Variants in WWOX observed in about 807,000 individuals in gnomAD.
The protein encoded by WWOX is WW domain-containing oxidoreductase.
Under a neutral mutation model 46.2 loss-of-function variants are expected in WWOX, and 69 were observed. The observed-to-expected ratio is 1.49, with a 90% CI of 1.23 to 1.82. The LOEUF (loss-of-function observed/expected upper bound fraction) is 1.82. WWOX is among the 40% of genes most tolerant of loss of function. The probability of loss-of-function intolerance (pLI) is 0.00; values close to 1 mark genes in which losing one functional copy is unlikely to be tolerated. For missense variants in WWOX, 919 were observed against 542.6 expected (o/e 1.69, Z -6.89); for synonymous variants, 359 against 202.6 (o/e 1.77, Z -6.56).
chr16:78,298,462 T>A (rs1486666829), intron 5 of WWOX, among the ~76,000 whole-genome samples: 1 of 152,160 alleles, frequency 6.6e-6, no homozygotes, highest in African/African-American at 2.4e-5. Context: ...TTAATCCTTA[T>A]GAGTCCCGGT....
intron 8 of WWOX, chr16:78,895,478 C>T (rs976575896): frequency 2.0e-5 from 3 of 152,156 alleles, no homozygotes; most frequent in Non-Finnish European, 2.9e-5. Flanking sequence ...GCTTCCATCC[C>T]GTAGCTTCTT....
At chr16:78,961,244 A>C (rs1370887504) in intron 8 of WWOX, among the ~76,000 whole-genome samples, 1 of 152,172 alleles carries the variant, frequency 6.6e-6, no homozygotes, top group African/African-American at 2.4e-5. Flanking sequence ...AAAATGAGGG[A>C]AATTACTGTA....
intron 8 of WWOX, among the ~76,000 whole-genome samples, chr16:79,125,743 G>A (rs577583545): frequency 6.6e-6 from 1 of 152,346 alleles, no homozygotes; most frequent in African/African-American, 2.4e-5. Context: ...CTTTGGGGCA[G>A]TGCCAGGATT....
chr16:78,589,424 G>A (rs375960648), intron 8 of WWOX, among the ~76,000 whole-genome samples: 11 of 152,132 alleles, frequency 7.2e-5, no homozygotes, highest in African/African-American at 2.4e-4. Flanking sequence ...TGTCTTGAAG[G>A]GGGCTGATGC....
At chr16:78,186,840 G>A (rs1387703113) in intron 5 of WWOX, among the ~76,000 whole-genome samples, 4 of 152,188 alleles carry the variant, frequency 2.6e-5, no homozygotes, top group East Asian at 1.9e-4. Flanking sequence ...ATAGTCTATA[G>A]TATTCTTCAC....
chr16:78,166,567 AT>A (rs34115194), intron 5 of WWOX: 7 of 143,660 alleles, frequency 4.9e-5, no homozygotes, highest in Admixed American at 6.9e-5. Flanking sequence ...TTTCTTTTTT[AT>A]TTTTTTTTTG....
chr16:78,472,854 C>A (rs192124100), intron 8 of WWOX, among the ~76,000 whole-genome samples: 17 of 146,862 alleles, frequency 1.2e-4, no homozygotes, highest in African/African-American at 4.2e-4. Context: ...ATTTCGTTGT[C>A]ACAGCGTCAG....
At chr16:78,698,319 T>TGA (rs758104407) in intron 8 of WWOX, among the ~76,000 whole-genome samples, 9 of 152,210 alleles carry the variant, frequency 5.9e-5, no homozygotes, top group Non-Finnish European at 8.8e-5. Context: ...CGAAGGGAGA[T>TGA]GAGAGATACA....
At chr16:79,208,883 C>T (rs2051614531) in intron 8 of WWOX, among the ~76,000 whole-genome samples, 1 of 152,130 alleles carries the variant, frequency 6.6e-6, no homozygotes, top group Admixed American at 6.5e-5. Context: ...ATGGGACCAA[C>T]AAGATATTGT....
chr16:78,128,455 A>G (rs891834280), intron 4 of WWOX, among the ~76,000 whole-genome samples: 1 of 152,222 alleles, frequency 6.6e-6, no homozygotes, highest in Non-Finnish European at 1.5e-5. Flanking sequence ...TTGAGATTAC[A>G]CAGGTGGAAA....
intron 8 of WWOX, among the ~76,000 whole-genome samples, chr16:78,494,250 G>T (rs935844430): frequency 6.6e-6 from 1 of 152,132 alleles, no homozygotes; most frequent in African/African-American, 2.4e-5. Context: ...TCATGATCCC[G>T]TCTAGTTCCT....
intron 8 of WWOX, among the ~76,000 whole-genome samples, chr16:78,547,127 GAAAAAAAAAAAAAAAA>G (rs199726097): frequency 5.7e-4 from 50 of 87,498 alleles, no homozygotes; most frequent in South Asian, 1.7e-3. Flanking sequence ...CCTTGTCTCA[GAAAAAAAAAAAAAAAA>G]AAAAAAAAAA....
intron 8 of WWOX, among the ~76,000 whole-genome samples, chr16:78,623,466 G>A (rs537948707): frequency 7.5e-4 from 114 of 152,274 alleles, no homozygotes; most frequent in African/African-American, 2.6e-3. Context: ...GATCACCTGA[G>A]GTCATGAGTT....
chr16:78,811,735 C>G (rs1446129782), intron 8 of WWOX, among the ~76,000 whole-genome samples: 1 of 152,026 alleles, frequency 6.6e-6, no homozygotes, highest in East Asian at 1.9e-4. Flanking sequence ...AAGACTTCAT[C>G]TAAACCTAAC....
intron 8 of WWOX, among the ~76,000 whole-genome samples, chr16:78,568,016 C>T (rs922777444): frequency 2.6e-5 from 4 of 152,272 alleles, no homozygotes; most frequent in African/African-American, 9.6e-5. Flanking sequence ...CACTACTCCG[C>T]GAATTGAAGG....
chr16:79,031,419 ATT>A (rs60675221), intron 8 of WWOX, among the ~76,000 whole-genome samples: 56,157 of 151,856 alleles, frequency 0.37, 11,324 homozygotes, highest in East Asian at 0.64. Flanking sequence ...AGTGAAACGC[ATT>A]AGACATCTTC....
intron 8 of WWOX, among the ~76,000 whole-genome samples, chr16:79,125,617 C>A (rs550894122): frequency 1.3e-5 from 2 of 152,142 alleles, no homozygotes; most frequent in Non-Finnish European, 2.9e-5. Flanking sequence ...ACCCTTCCTG[C>A]ATCCTCCCAA....
chr16:78,368,988 C>A (rs959927800), intron 5 of WWOX, among the ~76,000 whole-genome samples: 5 of 152,126 alleles, frequency 3.3e-5, no homozygotes, highest in African/African-American at 1.2e-4. Context: ...TTCTCAGTCT[C>A]CCCATCTCCC....
chr16:78,697,463 A>G (rs1014553334), intron 8 of WWOX, among the ~76,000 whole-genome samples: 2 of 152,348 alleles, frequency 1.3e-5, no homozygotes, highest in East Asian at 1.9e-4. Context: ...CAGAGTAAAC[A>G]GACAACCCGC....
Sources: allele counts gnomAD v4.1 joint callset (sites outside exome capture counted in the v4.1 genomes callset), GRCh38; gene constraint gnomAD v4.1.1; transcripts MANE v1.5; gene names NCBI Gene and HGNC (gene_info 2026-07-23, HGNC 2026-07-21).